The following HIVEP3 variants were observed in gnomAD, a reference collection of about 807,000 sequenced individuals.
HIVEP3 encodes HIVEP zinc finger 3.
HIVEP3 carries 49 observed loss-of-function variants against 152.8 expected under a neutral mutation model. The observed-to-expected ratio is 0.32, with a 90% CI of 0.26 to 0.41. The LOEUF (loss-of-function observed/expected upper bound fraction) is 0.41. Ranked by LOEUF, HIVEP3 falls within the 10% of genes least tolerant of loss-of-function variation. The pLI, the probability that HIVEP3 is intolerant of heterozygous loss-of-function variation, is 1.00. For missense variants in HIVEP3, 2,790 were observed against 3,103.3 expected (o/e 0.90, Z 2.40); for synonymous variants, 1,269 against 1,289.0 (o/e 0.98, Z 0.33).
chr1:41,837,575 C>T (rs1334243053), intron 1 of HIVEP3, among the ~76,000 whole-genome samples: 1 of 152,208 alleles, frequency 6.6e-6, no homozygotes, highest in Non-Finnish European at 1.5e-5. Context: ...ATCTGCTTGC[C>T]TTGGCCTCCC....
chr1:41,529,113 CCCCCACACG>C, intron 5 of HIVEP3, among the ~76,000 whole-genome samples: 1 of 138,648 alleles, frequency 7.2e-6, no homozygotes, highest in African/African-American at 2.7e-5. Context: ...CATGCTCACA[CCCCCACACG>C]CCCTCACACA....
intron 1 of HIVEP3, among the ~76,000 whole-genome samples, chr1:42,012,462 G>A (rs560672477): frequency 6.6e-6 from 1 of 152,248 alleles, no homozygotes; most frequent in East Asian, 1.9e-4. Flanking sequence ...GGGCCTAGGT[G>A]GGCGGATCAT....
At chr1:41,745,302 G>C (rs913327271) in intron 1 of HIVEP3, among the ~76,000 whole-genome samples, 4 of 152,216 alleles carry the variant, frequency 2.6e-5, no homozygotes, top group African/African-American at 9.7e-5. Flanking sequence ...GTGGGAGGAT[G>C]CTGAAAGATG....
At chr1:41,909,059 T>C (rs1644757699) in intron 1 of HIVEP3, among the ~76,000 whole-genome samples, 1 of 152,212 alleles carries the variant, frequency 6.6e-6, no homozygotes. Flanking sequence ...GAGACACTCT[T>C]GTCTGTAGAC....
At chr1:41,774,096 G>A (rs1035585307) in intron 1 of HIVEP3, among the ~76,000 whole-genome samples, 1 of 152,224 alleles carries the variant, frequency 6.6e-6, no homozygotes, top group African/African-American at 2.4e-5. Context: ...GGGATGTGCT[G>A]TGTGCTGGGT....
intron 1 of HIVEP3, among the ~76,000 whole-genome samples, chr1:41,838,952 T>C (rs1643206551): frequency 6.6e-6 from 1 of 152,162 alleles, no homozygotes; most frequent in Non-Finnish European, 1.5e-5. Context: ...TCCCACAGTG[T>C]TAATAGCTGA....
chr1:41,633,987 A>T (rs894911518), intron 2 of HIVEP3, among the ~76,000 whole-genome samples: 8 of 152,210 alleles, frequency 5.3e-5, no homozygotes, highest in African/African-American at 1.9e-4. Flanking sequence ...TGGTATCTGC[A>T]TCATTTACAA....
intron 1 of HIVEP3, among the ~76,000 whole-genome samples, chr1:41,728,923 G>A (rs1362897142): frequency 6.6e-6 from 1 of 152,178 alleles, no homozygotes; most frequent in Non-Finnish European, 1.5e-5. Context: ...TGGATGGTGG[G>A]TGCTGAGGGC....
chr1:41,933,038 C>A (rs1645003110), intron 1 of HIVEP3, among the ~76,000 whole-genome samples: 1 of 151,906 alleles, frequency 6.6e-6, no homozygotes, highest in African/African-American at 2.4e-5. Context: ...CATGACCATG[C>A]TTTCTATGGT....
At chr1:41,970,700 TA>T in intron 1 of HIVEP3, among the ~76,000 whole-genome samples, 1 of 152,018 alleles carries the variant, frequency 6.6e-6, no homozygotes, top group East Asian at 1.9e-4. Flanking sequence ...TAAAATGAAA[TA>T]AAATTAAATG....
intron 1 of HIVEP3, among the ~76,000 whole-genome samples, chr1:41,874,425 T>C (rs1644132923): frequency 6.6e-6 from 1 of 152,196 alleles, no homozygotes; most frequent in African/African-American, 2.4e-5. Context: ...AGTCTTCCTC[T>C]TCCTGGGCCT....
chr1:41,637,502 C>T (rs1264742646), intron 2 of HIVEP3, among the ~76,000 whole-genome samples: 1 of 152,178 alleles, frequency 6.6e-6, no homozygotes. Flanking sequence ...CCCCATTTTC[C>T]ATCTGAGGCC....
intron 1 of HIVEP3, among the ~76,000 whole-genome samples, chr1:42,002,402 C>G (rs1322630640): frequency 1.3e-5 from 2 of 152,146 alleles, no homozygotes; most frequent in Non-Finnish European, 2.9e-5. Context: ...GCAAACAACA[C>G]CACTCAGGGA....
chr1:41,561,292 C>A (rs1644057956), intron 5 of HIVEP3, among the ~76,000 whole-genome samples: 1 of 152,206 alleles, frequency 6.6e-6, no homozygotes. Context: ...ATTCTTACAT[C>A]TTCCAATTGC....
intron 1 of HIVEP3, among the ~76,000 whole-genome samples, chr1:41,841,173 C>T (rs1199433387): frequency 6.6e-6 from 1 of 152,164 alleles, no homozygotes; most frequent in Non-Finnish European, 1.5e-5. Context: ...TCCCAGTGCC[C>T]CCAGCACACC....
intron 2 of HIVEP3, among the ~76,000 whole-genome samples, chr1:41,675,228 C>T (rs1645936616): frequency 6.6e-6 from 1 of 152,134 alleles, no homozygotes; most frequent in Admixed American, 6.5e-5. Context: ...GCTTCAGTGA[C>T]CCCACCTGCC....
In HIVEP3 at chr1:41,580,493, A is replaced by C. The variant is rs760241697; in HGVS notation, c.4305T>G (p.Ala1435=). ...TTTCCATGGTAAGTTCAAGGCTGCC[A>C]GCTGGTGAAAGGACACGTTTGCTTC... The part of the protein sequence containing the change: ...AGGSKRVLSP[A]GSLELTMETQ... The change falls in exon 4 of 9, where the codon GCT becomes GCG. Residue 1435 remains alanine, a synonymous_variant. Transcript: ENST00000372583. 21 of 1,614,072 alleles carry C rather than the reference A, an allele frequency of 1.3e-5. No homozygotes were observed. The highest frequency in any genetic ancestry group is 1.8e-5 in the Non-Finnish European group (21 of 1,180,038).
chr1:41,548,856 C>A (rs1643865114), intron 5 of HIVEP3, among the ~76,000 whole-genome samples: 1 of 151,936 alleles, frequency 6.6e-6, no homozygotes, highest in Non-Finnish European at 1.5e-5. Context: ...TTTTATTTTC[C>A]AACTCATTAT....
At chr1:41,824,784 T>TATATATATAGAGAG (rs1553266584) in intron 1 of HIVEP3, among the ~76,000 whole-genome samples, 4 of 11,386 alleles carry the variant, frequency 3.5e-4, no homozygotes, top group African/African-American at 6.5e-4. Flanking sequence ...TATATATATA[T>TATATATATAGAGAG]AGAGAGAGAG....
Sources: allele counts gnomAD v4.1 joint callset (sites outside exome capture counted in the v4.1 genomes callset), GRCh38; gene constraint gnomAD v4.1.1; transcripts MANE v1.5; gene names NCBI Gene and HGNC (gene_info 2026-07-23, HGNC 2026-07-21).